DAB1: variants seen among roughly 807,000 people sequenced by gnomAD.
DAB1 encodes the protein disabled homolog 1.
A neutral mutation model predicts 64.6 loss-of-function variants in DAB1; 15 were observed. That is an observed-to-expected ratio of 0.23 (90% CI 0.16 to 0.36). DAB1 has a LOEUF of 0.36. Ranked by LOEUF, DAB1 falls within the 10% of genes least tolerant of loss-of-function variation. DAB1 has a pLI of 1.00. For missense variants in DAB1, 596 were observed against 706.7 expected (o/e 0.84, Z 1.78); for synonymous variants, 235 against 251.9 (o/e 0.93, Z 0.64).
At chr1:57,711,173 T>A (rs938637178) in intron 6 of DAB1, among the ~76,000 whole-genome samples, 1 of 152,208 alleles carries the variant, frequency 6.6e-6, no homozygotes, top group African/African-American at 2.4e-5. Flanking sequence ...ATTAGTTTTA[T>A]CAATGCAGCT....
intron 5 of DAB1, among the ~76,000 whole-genome samples, chr1:57,904,909 A>C (rs1490303744): frequency 2.0e-5 from 3 of 152,186 alleles, no homozygotes; most frequent in African/African-American, 7.2e-5. Context: ...AATCTTAAGC[A>C]CAAGAATGAT....
At chr1:58,024,215 G>A (rs1271051423) in intron 5 of DAB1, among the ~76,000 whole-genome samples, 1 of 152,118 alleles carries the variant, frequency 6.6e-6, no homozygotes, top group African/African-American at 2.4e-5. Context: ...GTCAGGAGAG[G>A]GCAACATAAA....
chr1:57,643,581 T>C (rs1646156536), intron 7 of DAB1, among the ~76,000 whole-genome samples: 1 of 152,218 alleles, frequency 6.6e-6, no homozygotes, highest in South Asian at 2.1e-4. Flanking sequence ...TACACTCTTA[T>C]TCAAAAGGAA....
intron 6 of DAB1, among the ~76,000 whole-genome samples, chr1:57,682,131 G>T (rs1646643012): frequency 6.6e-6 from 1 of 151,834 alleles, no homozygotes; most frequent in Admixed American, 6.6e-5. Flanking sequence ...GTGTAAACAT[G>T]GAAGGGATAG....
At chr1:58,447,729 T>C (rs1645085232) in intron 3 of DAB1, among the ~76,000 whole-genome samples, 1 of 152,116 alleles carries the variant, frequency 6.6e-6, no homozygotes, top group Admixed American at 6.6e-5. Flanking sequence ...GGAGGTGACA[T>C]TTGGACTGAG....
chr1:57,519,708 T>C (rs1644503998), intron 7 of DAB1, among the ~76,000 whole-genome samples: 1 of 152,272 alleles, frequency 6.6e-6, no homozygotes, highest in South Asian at 2.1e-4. Context: ...TAGTAAGGAT[T>C]TGGGAAAATT....
chr1:58,080,153 C>T (rs1045907685), intron 5 of DAB1: 2 of 152,208 alleles, frequency 1.3e-5, no homozygotes, highest in African/African-American at 4.8e-5. Context: ...GCTCAACCCC[C>T]AACCATTGTC....
intron 3 of DAB1, among the ~76,000 whole-genome samples, chr1:58,399,239 G>C (rs1350777709): frequency 6.6e-6 from 1 of 152,120 alleles, no homozygotes; most frequent in Non-Finnish European, 1.5e-5. Context: ...GTTTCTTTTT[G>C]ATCCTCTGTG....
At chr1:57,389,654 G>A (rs1362141296) in intron 1 of DAB1, among the ~76,000 whole-genome samples, 1 of 152,148 alleles carries the variant, frequency 6.6e-6, no homozygotes, top group Admixed American at 6.6e-5. Context: ...AAGAGAGGTA[G>A]GGAGAGAGGG....
intron 4 of DAB1, chr1:58,343,212 C>T (rs1569663507): frequency 1.3e-5 from 2 of 151,730 alleles, no homozygotes; most frequent in African/African-American, 4.9e-5. Context: ...CACTGGGATG[C>T]TGAGCTCTTG....
chr1:57,654,694 C>A (rs71642134), intron 6 of DAB1, among the ~76,000 whole-genome samples: 1 of 144,462 alleles, frequency 6.9e-6, no homozygotes, highest in Admixed American at 7.1e-5. Context: ...GTAAATTTTG[C>A]TCTTTTTAAA....
intron 1 of DAB1, among the ~76,000 whole-genome samples, chr1:57,388,428 C>T (rs1682066020): frequency 6.6e-6 from 1 of 152,126 alleles, no homozygotes; most frequent in African/African-American, 2.4e-5. Context: ...TTTCCCAGTC[C>T]TCGTGTAGGT....
intron 7 of DAB1, among the ~76,000 whole-genome samples, chr1:57,526,467 T>C (rs752998009): frequency 1.4e-4 from 22 of 152,178 alleles, no homozygotes; most frequent in Non-Finnish European, 3.1e-4. Context: ...CTCCAGACTC[T>C]ATCCAAGAAG....
chr1:57,991,214 G>A (rs1460971218), intron 5 of DAB1, among the ~76,000 whole-genome samples: 1 of 152,126 alleles, frequency 6.6e-6, no homozygotes, highest in Admixed American at 6.5e-5. Context: ...AGAGGCAGAG[G>A]CTATTAATAA....
At chr1:57,945,938 G>A (rs1645178026) in intron 5 of DAB1, among the ~76,000 whole-genome samples, 1 of 152,292 alleles carries the variant, frequency 6.6e-6, no homozygotes, top group South Asian at 2.1e-4. Flanking sequence ...AACCTGGTTG[G>A]TGAGTACCAC....
At chr1:57,778,797 T>C (rs1322585921) in intron 6 of DAB1, among the ~76,000 whole-genome samples, 3 of 152,112 alleles carry the variant, frequency 2.0e-5, no homozygotes, top group Non-Finnish European at 4.4e-5. Flanking sequence ...TAAAATTTAT[T>C]CCGCCTTGCT....
chr1:57,025,090 T>C (rs745668300), intron 10 of DAB1, among the ~76,000 whole-genome samples: 1 of 152,118 alleles, frequency 6.6e-6, no homozygotes, highest in Non-Finnish European at 1.5e-5. Flanking sequence ...AACTGCGCAG[T>C]GCCCAGAGGA....
intron 2 of DAB1, among the ~76,000 whole-genome samples, chr1:57,190,535 C>T (rs982034114): frequency 6.6e-6 from 1 of 152,168 alleles, no homozygotes; most frequent in African/African-American, 2.4e-5. Context: ...CAAGACAAAG[C>T]TCCAGCCTGT....
intron 4 of DAB1, among the ~76,000 whole-genome samples, chr1:58,269,283 T>C (rs1367721092): frequency 2.0e-5 from 3 of 151,622 alleles, no homozygotes; most frequent in East Asian, 2.0e-4. Flanking sequence ...TTTGTTCTTG[T>C]GATAGTTTAC....
Sources: gnomAD v4.1 joint callset for allele counts (sites outside exome capture counted in the v4.1 genomes callset) on GRCh38, gnomAD v4.1.1 for gene constraint, MANE v1.5 for transcripts, NCBI Gene and HGNC (gene_info 2026-07-23, HGNC 2026-07-21) for gene names.